The following ASH1L variants were observed in gnomAD, a reference collection of about 807,000 sequenced individuals.
The protein encoded by ASH1L is histone-lysine N-methyltransferase ASH1L.
Under a neutral mutation model 269.0 loss-of-function variants are expected in ASH1L, and 23 were observed. The observed-to-expected ratio is 0.09, with a 90% CI of 0.06 to 0.12. The LOEUF is 0.12. Ranked by LOEUF, ASH1L falls within the 10% of genes least tolerant of loss-of-function variation. The pLI is 1.00. For synonymous variants in ASH1L, 1,187 were observed against 1,253.5 expected (o/e 0.95, Z 1.12); for missense variants, 2,912 against 3,567.8 (o/e 0.82, Z 4.68).
At chr1:155,447,796 T>C (rs991530642) in intron 4 of ASH1L, among the ~76,000 whole-genome samples, 3 of 152,246 alleles carry the variant, frequency 2.0e-5, no homozygotes, top group African/African-American at 7.2e-5. Context: ...AAATATTTTC[T>C]CCCATTCTGT....
intron 7 of ASH1L, among the ~76,000 whole-genome samples, chr1:155,391,572 T>C (rs1464308189): frequency 1.3e-5 from 2 of 152,210 alleles, no homozygotes; most frequent in East Asian, 3.8e-4. Context: ...ATTTTCATGT[T>C]TATTAACGTC....
chr1:155,442,440 G>A (rs1038322793), intron 4 of ASH1L, among the ~76,000 whole-genome samples: 6 of 151,734 alleles, frequency 4.0e-5, no homozygotes, highest in South Asian at 2.1e-4. Context: ...AAAATTAGCC[G>A]GGTGTGGTCG....
rs560766058 is a variant in ASH1L, at chr1:155,428,785, G to A, written c.5828+9542C>T. Among the ~76,000 whole-genome samples the A allele has an allele frequency of 3.9e-5, 6 of 152,192 alleles. No homozygotes were observed. In the South Asian group the frequency reaches 1.2e-3, roughly 32 times the overall value. ...ATAAGAGATACTTTTAGTTAATCCC[G>A]TTTCCCATAAGGGATACTTTTAGTT... is the stretch of plus-strand genomic sequence containing the variant. On this transcript the variant is annotated intron_variant, in intron 5 of 27. Transcript: ENST00000392403.
chr1:155,517,743 T>C (rs1054360718), intron 2 of ASH1L, among the ~76,000 whole-genome samples: 5 of 149,282 alleles, frequency 3.3e-5, no homozygotes, highest in Admixed American at 6.8e-5. Context: ...ACCAATGGAA[T>C]GGAAAGGAAG....
chr1:155,430,143 T>TA lies in ASH1L; in HGVS notation c.5828+8183_5828+8184insT, dbSNP rs1280296383. Among the ~76,000 whole-genome samples, 5 of 152,096 alleles carry TA rather than the reference T, an allele frequency of 3.3e-5. 1 individual carries two copies. Among genetic ancestry groups the TA allele is most frequent in the Admixed American group, 1.3e-4 (2 of 15,256 alleles). On this transcript the variant is annotated intron_variant, in intron 5 of 27. Transcript: ENST00000392403. ...GGCATGCGCCACCACACTTGGCTGATTTTTAAGTTTTTTGTAGAGATGGAG... is the reference window on the plus strand; with the variant it reads ...GGCATGCGCCACCACACTTGGCTGATATTTTAAGTTTTTTGTAGAGATGGAG...
intron 17 of ASH1L, 57 bp downstream of exon 17, chr1:155,352,649 A>T (rs1050054077): frequency 6.7e-7 from 1 of 1,500,606 alleles, no homozygotes; most frequent in African/African-American, 1.4e-5. Flanking sequence ...TATTTATTTA[A>T]AAAAAAAAGA....
intron 5 of ASH1L, among the ~76,000 whole-genome samples, chr1:155,418,542 A>T (rs535359954): frequency 1.2e-4 from 19 of 152,250 alleles, no homozygotes; most frequent in African/African-American, 4.6e-4. Flanking sequence ...TACTAAAACA[A>T]TTGGACACTT....
intron 12 of ASH1L, among the ~76,000 whole-genome samples, chr1:155,363,866 A>G (rs1655178913): frequency 6.6e-6 from 1 of 151,554 alleles, no homozygotes; most frequent in South Asian, 2.1e-4. Context: ...ACAGCTACTC[A>G]GGAGGCTGAG....
intron 3 of ASH1L, among the ~76,000 whole-genome samples, chr1:155,475,907 G>A (rs1427621116): frequency 6.6e-6 from 1 of 151,978 alleles, no homozygotes; most frequent in Admixed American, 6.5e-5. Flanking sequence ...GTGATTTTTT[G>A]TTTATTATCT....
chr1:155,449,081 G>GCC (rs1558118491), intron 4 of ASH1L, among the ~76,000 whole-genome samples: 2 of 151,978 alleles, frequency 1.3e-5, no homozygotes, highest in Non-Finnish European at 2.9e-5. Flanking sequence ...CTACAGGCAT[G>GCC]TGCCACCACG....
In ASH1L at chr1:155,481,193, T is replaced by C; in HGVS notation, c.1677A>G (p.Ser559=). 2 of 1,613,724 alleles carry C rather than the reference T, an allele frequency of 1.2e-6. No homozygotes were observed. Among genetic ancestry groups the C allele is most frequent in the Non-Finnish European group, 1.7e-6 (2 of 1,179,792 alleles). The change falls in exon 3 of 28, where the codon TCA becomes TCG. Residue 559 remains serine, a synonymous_variant. Transcript: ENST00000392403. ...AVGESNLPSP[S]PTVSVNPLTR... is the part of the protein sequence containing the mutation. ...TTAAAGGATTAACAGATACAGTAGGTGATGGGGAAGGGAGATTGCTTTCTC... is the reference window on the plus strand; with the variant it reads ...TTAAAGGATTAACAGATACAGTAGGCGATGGGGAAGGGAGATTGCTTTCTC...
At chr1:155,342,150 CCT>C (rs1558012712) in intron 24 of ASH1L, 48 bp from the exon 25 acceptor site, 6 of 1,590,150 alleles carry the variant, frequency 3.8e-6, no homozygotes, top group Non-Finnish European at 4.3e-6. Flanking sequence ...CATTTCTCCC[CCT>C]GAGCTGCCCA....
At chr1:155,427,640 T>C (rs1018509282) in intron 5 of ASH1L, among the ~76,000 whole-genome samples, 8 of 152,006 alleles carry the variant, frequency 5.3e-5, no homozygotes, top group African/African-American at 1.4e-4. Flanking sequence ...GTGTTCACTA[T>C]GTTGGCCAGG....
chr1:155,520,655 G>A (rs913024301), intron 2 of ASH1L, among the ~76,000 whole-genome samples: 1 of 151,878 alleles, frequency 6.6e-6, no homozygotes, highest in Non-Finnish European at 1.5e-5. Context: ...CTGAGGTCAG[G>A]AGTTTGAGAC....
At chr1:155,532,845 A>G (rs1462749619) in intron 1 of ASH1L, among the ~76,000 whole-genome samples, 1 of 149,024 alleles carries the variant, frequency 6.7e-6, no homozygotes, top group Non-Finnish European at 1.5e-5. Context: ...AAAATTATAT[A>G]TATATATATG....
intron 17 of ASH1L, among the ~76,000 whole-genome samples, chr1:155,351,894 T>C (rs1653965799): frequency 6.6e-6 from 1 of 151,588 alleles, no homozygotes; most frequent in South Asian, 2.1e-4. Flanking sequence ...AATAAATTAA[T>C]TACTATTACT....
At chr1:155,339,663 T>C (rs1652607348) in intron 25 of ASH1L, among the ~76,000 whole-genome samples, 2 of 152,082 alleles carry the variant, frequency 1.3e-5, no homozygotes, top group Non-Finnish European at 2.9e-5. Flanking sequence ...CTGAGAAATA[T>C]GTCATCACGT....
At chr1:155,413,723 G>A (rs1659987220) in intron 6 of ASH1L, among the ~76,000 whole-genome samples, 1 of 152,044 alleles carries the variant, frequency 6.6e-6, no homozygotes, top group Non-Finnish European at 1.5e-5. Flanking sequence ...GGAACATGAG[G>A]GAATCTTAGG....
chr1:155,467,999 T>C (rs1202985261), intron 3 of ASH1L, among the ~76,000 whole-genome samples: 1 of 152,254 alleles, frequency 6.6e-6, no homozygotes, highest in African/African-American at 2.4e-5. Flanking sequence ...GAAATTAATA[T>C]TGGAATAATA....
Sources: allele counts gnomAD v4.1 joint callset (sites outside exome capture counted in the v4.1 genomes callset), GRCh38; gene constraint gnomAD v4.1.1; transcripts MANE v1.5; gene names NCBI Gene and HGNC (gene_info 2026-07-23, HGNC 2026-07-21).